Variants in GALNT2 observed in about 807,000 individuals in gnomAD.
GALNT2 encodes the protein polypeptide N-acetylgalactosaminyltransferase 2, also known as UDP-GalNAc:polypeptide N-acetylgalactosaminyltransferase 2.
GALNT2 carries 31 observed loss-of-function variants against 81.4 expected under a neutral mutation model. The observed-to-expected ratio is 0.38, with a 90% CI of 0.29 to 0.51. The LOEUF (loss-of-function observed/expected upper bound fraction) is 0.51. Ranked by LOEUF, GALNT2 falls within the 20% of genes least tolerant of loss-of-function variation. The pLI is 0.87. For synonymous variants in GALNT2, 303 were observed against 287.4 expected, an observed-to-expected ratio of 1.05 and a Z score of -0.55; for missense variants, 629 against 765.7, an observed-to-expected ratio of 0.82 and a Z score of 2.11.
chr1:230,194,056 G>C (rs1663612074), intron 2 of GALNT2, among the ~76,000 whole-genome samples: 1 of 152,222 alleles, frequency 6.6e-6, no homozygotes, highest in South Asian at 2.1e-4. Flanking sequence ...GGAAAAAACA[G>C]ATTCTGAAAA....
At chr1:230,269,906 G>A (rs866081746) in intron 14 of GALNT2, among the ~76,000 whole-genome samples, 18 of 151,886 alleles carry the variant, frequency 1.2e-4, no homozygotes, top group African/African-American at 4.4e-4. Flanking sequence ...CTAAAATAAT[G>A]TAAAATAAAT....
At chr1:230,155,726 A>G (rs754940059) in intron 1 of GALNT2, among the ~76,000 whole-genome samples, 15 of 152,202 alleles carry the variant, frequency 9.9e-5, no homozygotes, top group Non-Finnish European at 2.1e-4. Flanking sequence ...GCATAGCACA[A>G]AGGACCCCAC....
rs79918367 is a variant in GALNT2, at chr1:230,110,716, T to G, written c.126+43310T>G. On this transcript the variant is annotated intron_variant, in intron 1 of 15. Transcript: ENST00000366672. ...GTCTCTCTCAGCTGTGCTTTTCTGTTTTTTTTTTTTTTGTCTTCAATAGAT... is the reference window on the plus strand; with the variant it reads ...GTCTCTCTCAGCTGTGCTTTTCTGTGTTTTTTTTTTTTGTCTTCAATAGAT... 2.0e-3 allele frequency among the ~76,000 whole-genome samples: 201 copies of G among 99,368 alleles called. 1 individual carries two copies. In the Middle Eastern group the frequency reaches 0.022, roughly 11 times the overall value. 65.2% of individuals were successfully genotyped at this position (99,368 alleles called of 152,430 possible). A position where few individuals can be genotyped will look rare whatever the true frequency, so the allele number is the denominator to read the frequency against.
chr1:230,063,549 A>G (rs1659097706), upstream of GALNT2, among the ~76,000 whole-genome samples: 1 of 152,190 alleles, frequency 6.6e-6, no homozygotes, highest in African/African-American at 2.4e-5. Context: ...AGGTCTAGAA[A>G]CTACAGTGAC....
intron 1 of GALNT2, among the ~76,000 whole-genome samples, chr1:230,092,185 T>TGGTTTTTTTTTTTG (rs371156205): frequency 8.7e-6 from 1 of 114,286 alleles, no homozygotes; most frequent in Non-Finnish European, 1.8e-5. Flanking sequence ...AGTTTTTTTT[T>TGGTTTTTTTTTTTG]TTTTTTTTTT....
Position 230,106,296 on chromosome 1 carries a change from TGA to T in GALNT2, c.126+38893_126+38894del, listed in dbSNP as rs559872111. On this transcript the variant is annotated intron_variant, in intron 1 of 15. Transcript: ENST00000366672. ...ATGCAATTGCCTAAAGATTTCAGTC[TGA>T]GAATCTGAGAAACGATACTGAATGG... Among the ~76,000 whole-genome samples, 101 of 152,298 alleles carry T rather than the reference TGA, an allele frequency of 6.6e-4. 2 individuals are homozygous for T. The Middle Eastern group carries it at 0.017, about 26-fold the overall frequency.
upstream of GALNT2, among the ~76,000 whole-genome samples, chr1:230,066,059 T>C (rs748880258): frequency 1.3e-5 from 2 of 152,256 alleles, no homozygotes; most frequent in Non-Finnish European, 2.9e-5. Context: ...GTATCTTTTC[T>C]TTCTTCTACT....
intron 14 of GALNT2, among the ~76,000 whole-genome samples, chr1:230,269,365 T>C (rs1666114225): frequency 6.6e-6 from 1 of 152,052 alleles, no homozygotes; most frequent in African/African-American, 2.4e-5. Flanking sequence ...TTTGTATGTT[T>C]AGTAGAGACG....
intron 14 of GALNT2, among the ~76,000 whole-genome samples, chr1:230,266,989 G>GACAC (rs35956776): frequency 0.29 from 42,840 of 146,576 alleles, 6,000 homozygotes; most frequent in South Asian, 0.36. Context: ...GCACGTGTGT[G>GACAC]ACACACACAC....
chr1:230,254,227 T>C (rs1665636347), intron 10 of GALNT2, among the ~76,000 whole-genome samples: 1 of 152,142 alleles, frequency 6.6e-6, no homozygotes, highest in African/African-American at 2.4e-5. Flanking sequence ...AGGTACCTGG[T>C]TGGAAGGTAC....
chr1:230,200,400 C>T (rs182857905), intron 2 of GALNT2, among the ~76,000 whole-genome samples: 49 of 152,276 alleles, frequency 3.2e-4, no homozygotes, highest in Non-Finnish European at 6.0e-4. Flanking sequence ...CTCCCTCTAC[C>T]TCCTAGAACA....
intron 3 of GALNT2, among the ~76,000 whole-genome samples, chr1:230,231,016 G>C (rs958630650): frequency 6.6e-6 from 1 of 152,094 alleles, no homozygotes; most frequent in African/African-American, 2.4e-5. Context: ...TGCATCTCCT[G>C]AGCCCTTCTT....
At chr1:230,188,450 C>T (rs1663414303) in intron 2 of GALNT2, among the ~76,000 whole-genome samples, 1 of 152,174 alleles carries the variant, frequency 6.6e-6, no homozygotes, top group Admixed American at 6.5e-5. Flanking sequence ...CTCAGCTGTG[C>T]CACCAGTCCT....
intron 4 of GALNT2, 67 bp downstream of exon 4, chr1:230,236,179 G>A: frequency 5.9e-6 from 9 of 1,516,122 alleles, no homozygotes; most frequent in Non-Finnish European, 8.2e-6. Context: ...GGCACAGTCA[G>A]ACCAGGGCTG....
At chr1:230,107,071 C>T (rs56390540) in intron 1 of GALNT2, among the ~76,000 whole-genome samples, 10,845 of 152,220 alleles carry the variant, frequency 0.071, 525 homozygotes, top group South Asian at 0.14. Flanking sequence ...TTCCACGCTC[C>T]GCAGGTGCTG....
upstream of GALNT2, among the ~76,000 whole-genome samples, chr1:230,062,659 G>T (rs1659076360): frequency 6.6e-6 from 1 of 152,064 alleles, no homozygotes. Context: ...TGTCCTCAAC[G>T]TTCATCCATG....
At chr1:230,274,980 A>G (rs1666247448) in intron 15 of GALNT2, among the ~76,000 whole-genome samples, 1 of 151,886 alleles carries the variant, frequency 6.6e-6, no homozygotes, top group Admixed American at 6.6e-5. Context: ...ATATATATAC[A>G]TGCTACATAT....
intron 1 of GALNT2, among the ~76,000 whole-genome samples, chr1:230,168,672 T>C (rs1229522499): frequency 6.6e-6 from 1 of 152,218 alleles, no homozygotes; most frequent in Non-Finnish European, 1.5e-5. Context: ...ATGCGCACAT[T>C]TTTGTAATTT....
At chr1:230,238,719 C>G (rs1051957355) in intron 6 of GALNT2, among the ~76,000 whole-genome samples, 2 of 151,904 alleles carry the variant, frequency 1.3e-5, no homozygotes, top group African/African-American at 2.4e-5. Flanking sequence ...AGCATAAGCC[C>G]CAGTTGGTCA....
Sources: gnomAD v4.1 joint callset for allele counts (sites outside exome capture counted in the v4.1 genomes callset) on GRCh38, gnomAD v4.1.1 for gene constraint, MANE v1.5 for transcripts, NCBI Gene and HGNC (gene_info 2026-07-23, HGNC 2026-07-21) for gene names.